The following NKAIN2 variants were observed in gnomAD, a reference collection of about 807,000 sequenced individuals.
NKAIN2 encodes the protein sodium/potassium transporting ATPase interacting 2, also known as sodium/potassium-transporting ATPase subunit beta-1-interacting protein 2.
NKAIN2 carries 14 observed loss-of-function variants against 32.6 expected under a neutral mutation model. That is an observed-to-expected ratio of 0.43 (90% CI 0.28 to 0.67). The LOEUF (loss-of-function observed/expected upper bound fraction) is 0.67. Among genes scored for constraint, NKAIN2 ranks in the 30% least tolerant of loss-of-function variants. The pLI, the probability that NKAIN2 is intolerant of heterozygous loss-of-function variation, is 0.17. For synonymous variants in NKAIN2, 80 were observed against 87.2 expected, an observed-to-expected ratio of 0.92 and a Z score of 0.46; for missense variants, 198 against 258.3, an observed-to-expected ratio of 0.77 and a Z score of 1.60.
intron 3 of NKAIN2, among the ~76,000 whole-genome samples, chr6:124,561,256 C>T (rs1198773954): frequency 6.6e-6 from 1 of 152,214 alleles, no homozygotes; most frequent in African/African-American, 2.4e-5. Flanking sequence ...AGTTTTAACA[C>T]ATTTCCTTCA....
intron 1 of NKAIN2, among the ~76,000 whole-genome samples, chr6:123,930,670 G>A (rs1038281081): frequency 6.6e-6 from 1 of 152,266 alleles, no homozygotes; most frequent in South Asian, 2.1e-4. Context: ...AGAGGAGAGA[G>A]GAATCTTCCC....
Position 124,644,652 on chromosome 6 carries a change from C to A in NKAIN2, c.274-13534C>A, listed in dbSNP as rs551337632. On this transcript the variant is annotated intron_variant, in intron 3 of 6. Coordinates refer to ENST00000368417, the MANE Select transcript of NKAIN2 (RefSeq NM_001040214.3). ...ATCTCCTGACCTTGTGATCCGCCTG[C>A]CTCGGCCCCCCCAAAGTGCTGGGAT... 3.9e-5 allele frequency among the ~76,000 whole-genome samples: 6 copies of A among 152,270 alleles called. No individual in the cohort carries two copies. The South Asian group carries it at 1.2e-3, about 32-fold the overall frequency.
intron 1 of NKAIN2, among the ~76,000 whole-genome samples, chr6:124,014,657 T>A (rs535727744): frequency 2.0e-5 from 3 of 152,138 alleles, no homozygotes; most frequent in African/African-American, 7.2e-5. Context: ...TAAAAATATT[T>A]ACTTATTAAA....
intron 1 of NKAIN2, among the ~76,000 whole-genome samples, chr6:124,076,323 G>C (rs1367070820): frequency 6.6e-6 from 1 of 152,184 alleles, no homozygotes; most frequent in African/African-American, 2.4e-5. Context: ...TGCAATTAAG[G>C]AGGGTGAAAA....
chr6:124,094,207 A>C (rs1562354021), intron 1 of NKAIN2, among the ~76,000 whole-genome samples: 1 of 152,180 alleles, frequency 6.6e-6, no homozygotes, highest in Non-Finnish European at 1.5e-5. Flanking sequence ...ACTGTGACCT[A>C]TAACACTCTA....
At chr6:124,099,217 G>A (rs890399773) in intron 1 of NKAIN2, among the ~76,000 whole-genome samples, 7 of 151,966 alleles carry the variant, frequency 4.6e-5, no homozygotes, top group African/African-American at 1.7e-4. Flanking sequence ...CTAATATATG[G>A]CATGCCCTTT....
chr6:124,139,237 C>T (rs1298189268), intron 1 of NKAIN2, among the ~76,000 whole-genome samples: 1 of 149,062 alleles, frequency 6.7e-6, no homozygotes, highest in Non-Finnish European at 1.5e-5. Flanking sequence ...TACAGGCGCC[C>T]GCCACCGCGC....
chr6:124,164,167 T>G (rs1449074869), intron 1 of NKAIN2, among the ~76,000 whole-genome samples: 1 of 152,084 alleles, frequency 6.6e-6, no homozygotes, highest in African/African-American at 2.4e-5. Context: ...TTTGGTACAT[T>G]TATTTAAGTA....
intron 1 of NKAIN2, among the ~76,000 whole-genome samples, chr6:124,053,671 T>G (rs1341271895): frequency 6.6e-6 from 1 of 152,076 alleles, no homozygotes; most frequent in Non-Finnish European, 1.5e-5. Context: ...CCACTCAATT[T>G]TTAGATAATT....
chr6:124,775,624 A>T (rs1328452460), intron 4 of NKAIN2, among the ~76,000 whole-genome samples: 1 of 152,150 alleles, frequency 6.6e-6, no homozygotes, highest in Admixed American at 6.5e-5. Context: ...TGAATTTTTC[A>T]TGTAAAAGTG....
intron 3 of NKAIN2, among the ~76,000 whole-genome samples, chr6:124,527,240 T>C (rs1779353260): frequency 6.6e-6 from 1 of 152,164 alleles, no homozygotes; most frequent in Non-Finnish European, 1.5e-5. Flanking sequence ...ACTCCGTAAC[T>C]TGGATTATTG....
chr6:124,607,257 A>G (rs1365544305), intron 3 of NKAIN2, among the ~76,000 whole-genome samples: 1 of 152,194 alleles, frequency 6.6e-6, no homozygotes, highest in East Asian at 1.9e-4. Flanking sequence ...AATATTTTAG[A>G]CAAATTAAAT....
At chr6:124,527,517 G>A (rs1779364342) in intron 3 of NKAIN2, among the ~76,000 whole-genome samples, 1 of 152,052 alleles carries the variant, frequency 6.6e-6, no homozygotes, top group African/African-American at 2.4e-5. Flanking sequence ...TCTTATTGTG[G>A]GGGTCAAAGT....
intron 4 of NKAIN2, among the ~76,000 whole-genome samples, chr6:124,762,309 A>G (rs1301549706): frequency 6.6e-6 from 1 of 152,010 alleles, no homozygotes; most frequent in Non-Finnish European, 1.5e-5. Flanking sequence ...TCCTCTTCTC[A>G]TAAGGACATT....
At chr6:123,925,283 A>T (rs746972293) in intron 1 of NKAIN2, among the ~76,000 whole-genome samples, 34 of 152,240 alleles carry the variant, frequency 2.2e-4, no homozygotes, top group Non-Finnish European at 4.7e-4. Flanking sequence ...TTGTGTATAA[A>T]TAATTTCTAT....
chr6:124,463,475 T>C (rs1419365073), intron 3 of NKAIN2, among the ~76,000 whole-genome samples: 1 of 152,092 alleles, frequency 6.6e-6, no homozygotes, highest in African/African-American at 2.4e-5. Flanking sequence ...CATTATCTCC[T>C]ATTTATTCCC....
At chr6:124,697,072 G>T (rs770139383) in intron 4 of NKAIN2, among the ~76,000 whole-genome samples, 1 of 151,932 alleles carries the variant, frequency 6.6e-6, no homozygotes, top group Non-Finnish European at 1.5e-5. Context: ...AATATTAATC[G>T]TTTTTCCCCA....
At chr6:124,120,844 A>G (rs138971489) in intron 1 of NKAIN2, among the ~76,000 whole-genome samples, 7 of 152,118 alleles carry the variant, frequency 4.6e-5, no homozygotes, top group African/African-American at 1.4e-4. Flanking sequence ...CAGTAGATTC[A>G]CCAATTTATA....
chr6:124,503,204 T>C (rs1382593710), intron 3 of NKAIN2, among the ~76,000 whole-genome samples: 1 of 152,144 alleles, frequency 6.6e-6, no homozygotes, highest in African/African-American at 2.4e-5. Flanking sequence ...AACTTTTAAC[T>C]AATATTTGTA....
Sources: allele counts gnomAD v4.1 joint callset (sites outside exome capture counted in the v4.1 genomes callset), GRCh38; gene constraint gnomAD v4.1.1; transcripts MANE v1.5; gene names NCBI Gene and HGNC (gene_info 2026-07-23, HGNC 2026-07-21).